OLA1: variants seen among roughly 807,000 people sequenced by gnomAD.
OLA1 encodes the protein Obg like ATPase 1.
OLA1 carries 14 observed loss-of-function variants against 48.4 expected under a neutral mutation model. The observed-to-expected ratio is 0.29, with a 90% confidence interval of 0.19 to 0.45. The LOEUF (loss-of-function observed/expected upper bound fraction) is 0.45. Ranked by LOEUF, OLA1 falls within the 20% of genes least tolerant of loss-of-function variation. The pLI is 1.00. For synonymous variants in OLA1, 127 were observed against 150.4 expected, an observed-to-expected ratio of 0.84 and a Z score of 1.14; for missense variants, 325 against 467.1, an observed-to-expected ratio of 0.70 and a Z score of 2.80.
Position 174,123,190 on chromosome 2 carries a change from T to G in OLA1, c.718A>C (p.Lys240Gln). 6.6e-7 allele frequency: 1 copy of G among 1,519,846 alleles called. No homozygotes were observed. Among genetic ancestry groups the G allele is most frequent in the Non-Finnish European group, 9.1e-7 (1 of 1,099,188 alleles). The allele number at this position is 1,519,846 out of a possible 1,614,324, so 94.1% of individuals were successfully genotyped here. A position where few individuals can be genotyped will look rare whatever the true frequency, so the allele number is the denominator to read the frequency against. Residue 240 changes from lysine to glutamine, a missense_variant, in exon 7 of 11, where the codon AAA (lysine) becomes CAA (glutamine). Physicochemically the swap from Lys to Gln is moderately conservative, Grantham distance 53. Transcript: ENST00000284719. ...TGAGGAAAAACTTACCATTTGTTTT[T>G]CTTTCTAATGTAGTCTTTTTCAGAA... ...NLSEKDYIRKKNKWLIKIKEW... is the reference protein window; with the variant it reads ...NLSEKDYIRKQNKWLIKIKEW...
At chr2:174,208,334 A>G (rs1688162679) in intron 4 of OLA1, among the ~76,000 whole-genome samples, 2 of 152,172 alleles carry the variant, frequency 1.3e-5, no homozygotes, top group African/African-American at 2.4e-5. Flanking sequence ...TATAATGCCT[A>G]TATTTCTACT....
chr2:174,123,606 T>C lies in OLA1; in HGVS notation c.619A>G (p.Asn207Asp). The C allele has an allele frequency of 6.3e-7, 1 of 1,588,488 alleles. No individual in the cohort carries two copies. The highest frequency in any genetic ancestry group is 8.6e-7 in the Non-Finnish European group (1 of 1,168,440). Residue 207 changes from asparagine to aspartate, a missense_variant, in exon 6 of 11, where the codon AAT becomes GAT. Asn to Asp is a conservative substitution (Grantham distance 23, BLOSUM62 1). Transcript: ENST00000284719. ...KKPVRFYHDW[N>D]DKEIEVLNKH... is the part of the protein sequence containing the mutation. ...TATTTACAACTTACCTCTTTGTCATTCCAATCATGATAGAAGCGAACAGGT... is the reference window on the plus strand; with the variant it reads ...TATTTACAACTTACCTCTTTGTCATCCCAATCATGATAGAAGCGAACAGGT...
At chr2:174,084,649 C>T (rs768322401) in intron 7 of OLA1, among the ~76,000 whole-genome samples, 23 of 152,104 alleles carry the variant, frequency 1.5e-4, no homozygotes, top group Non-Finnish European at 2.2e-4. Context: ...CCATGGGGAC[C>T]AGTTACCTTT....
intron 1 of OLA1, chr2:174,247,926 A>C: frequency 1.1e-6 from 1 of 940,982 alleles, no homozygotes; most frequent in East Asian, 2.7e-5. Context: ...CTCACGTCTC[A>C]GAAGCTGGGA....
At chr2:174,212,777 A>G (rs529663153) in intron 4 of OLA1, among the ~76,000 whole-genome samples, 2 of 152,300 alleles carry the variant, frequency 1.3e-5, no homozygotes, top group East Asian at 1.9e-4. Context: ...GAGGATCATC[A>G]GTGTCACTGT....
chr2:174,131,341 C>T (rs1467660072), intron 5 of OLA1, among the ~76,000 whole-genome samples: 1 of 152,070 alleles, frequency 6.6e-6, no homozygotes, highest in Non-Finnish European at 1.5e-5. Flanking sequence ...GAATAGTGCA[C>T]AATTTATACA....
intron 7 of OLA1, among the ~76,000 whole-genome samples, chr2:174,089,032 T>C (rs2105344673): frequency 6.6e-6 from 1 of 152,192 alleles, no homozygotes; most frequent in South Asian, 2.1e-4. Context: ...ATCATATCAC[T>C]TGAGTGTGTG....
chr2:174,150,428 T>C (rs1054042914), intron 4 of OLA1, among the ~76,000 whole-genome samples: 1 of 152,220 alleles, frequency 6.6e-6, no homozygotes, highest in African/African-American at 2.4e-5. Flanking sequence ...CTTTTCTTTA[T>C]AAATTACTCA....
In OLA1 at chr2:174,135,692, TC is replaced by T. The variant is rs1406900249; in HGVS notation, c.549+6132del. On this transcript the variant is annotated intron_variant, in intron 5 of 10. Coordinates refer to ENST00000284719, the MANE Select transcript of OLA1 (RefSeq NM_013341.5). ...GCCTTACCAAAAATTAGTATCACGT[TC>T]TTTTAGAAATGATCTCTTTAAGTCA... Among the ~76,000 whole-genome samples, 3 of 152,228 alleles carry T rather than the reference TC, an allele frequency of 2.0e-5. No individual in the cohort carries two copies. The East Asian group carries it at 5.8e-4, about 29-fold the overall frequency.
At chr2:174,105,803 G>A (rs1474006738) in intron 7 of OLA1, among the ~76,000 whole-genome samples, 1 of 151,962 alleles carries the variant, frequency 6.6e-6, no homozygotes, top group Non-Finnish European at 1.5e-5. Flanking sequence ...GCAAAGGACT[G>A]TTTTTAAAAG....
At chr2:174,120,606 A>T (rs1685893810) in intron 7 of OLA1, among the ~76,000 whole-genome samples, 1 of 152,228 alleles carries the variant, frequency 6.6e-6, no homozygotes, top group Admixed American at 6.5e-5. Flanking sequence ...TTCAATGACT[A>T]ATGCTTGCAG....
chr2:174,093,343 C>CCTATAG (rs1255916069), intron 7 of OLA1, among the ~76,000 whole-genome samples: 1 of 151,848 alleles, frequency 6.6e-6, no homozygotes, highest in Non-Finnish European at 1.5e-5. Context: ...GTGGTGAGCA[C>CCTATAG]CTATAGTCAA....
chr2:174,082,211 C>T, intron 7 of OLA1, 147 bp from the exon 8 acceptor site: 3 of 776,866 alleles, frequency 3.9e-6, no homozygotes, highest in Non-Finnish European at 6.2e-6. Context: ...AAGGTCAAGG[C>T]ATTAACAGGC....
intron 2 of OLA1, among the ~76,000 whole-genome samples, chr2:174,237,149 T>C (rs964089616): frequency 1.1e-4 from 16 of 152,224 alleles, no homozygotes; most frequent in Admixed American, 9.8e-4. Flanking sequence ...TATATCCTTA[T>C]TCCATATGCT....
intron 7 of OLA1, among the ~76,000 whole-genome samples, chr2:174,097,575 G>T (rs1167962753): frequency 6.6e-6 from 1 of 151,814 alleles, no homozygotes; most frequent in Non-Finnish European, 1.5e-5. Context: ...GGCCGAGGTG[G>T]GTGGATCACT....
chr2:174,126,942 C>T (rs1686058654), intron 5 of OLA1, among the ~76,000 whole-genome samples: 1 of 152,132 alleles, frequency 6.6e-6, no homozygotes, highest in Non-Finnish European at 1.5e-5. Flanking sequence ...TCAAGTCAGG[C>T]TTCTAATCTT....
intron 8 of OLA1, 22 bp downstream of exon 8, chr2:174,081,902 G>C (rs752705153): frequency 6.2e-7 from 1 of 1,607,832 alleles, no homozygotes; most frequent in South Asian, 1.1e-5. Flanking sequence ...ATAAAGTGTA[G>C]GGAAAATGAA....
intron 7 of OLA1, among the ~76,000 whole-genome samples, chr2:174,088,350 G>A (rs1685030309): frequency 6.6e-6 from 1 of 152,150 alleles, no homozygotes; most frequent in Admixed American, 6.5e-5. Context: ...AGATATCAGA[G>A]TCCTCTTTAC....
rs1479234876 is a variant in OLA1 at position 174,142,011 on chromosome 2, T to C, written c.374-11A>G. ...CATCTTCAAAAGCACCTAAAATGAA[T>C]TAAAGGGAAGCAATTCAATAAACAA... On this transcript the variant is annotated splice_polypyrimidine_tract_variant and intron_variant, in intron 4 of 10. Coordinates refer to ENST00000284719, the MANE Select transcript of OLA1 (RefSeq NM_013341.5). 2 of 1,611,560 alleles carry C rather than the reference T, an allele frequency of 1.2e-6. No homozygotes were observed. Among genetic ancestry groups the C allele is most frequent in the Non-Finnish European group, 1.7e-6 (2 of 1,178,528 alleles).
Sources: allele counts gnomAD v4.1 joint callset (sites outside exome capture counted in the v4.1 genomes callset), GRCh38; gene constraint gnomAD v4.1.1; transcripts MANE v1.5; gene names NCBI Gene and HGNC (gene_info 2026-07-23, HGNC 2026-07-21).